The following TCF12 variants were observed in gnomAD, a reference collection of about 807,000 sequenced individuals.
The protein encoded by TCF12 is transcription factor 12, also known as DNA-binding protein HTF4.
In TCF12, 45 loss-of-function variants were observed where a neutral mutation model predicts 86.0. The observed-to-expected ratio is 0.52, with a 90% CI of 0.41 to 0.67. The LOEUF is 0.67. Ranked by LOEUF, TCF12 falls within the 30% of genes least tolerant of loss-of-function variation. The pLI, the probability that TCF12 is intolerant of heterozygous loss-of-function variation, is 0.00. For missense variants in TCF12, 881 were observed against 859.9 expected, an observed-to-expected ratio of 1.02 and a Z score of -0.31; for synonymous variants, 330 against 299.6, an observed-to-expected ratio of 1.10 and a Z score of -1.05.
intron 6 of TCF12, among the ~76,000 whole-genome samples, chr15:57,187,811 T>A (rs2056761084): frequency 6.6e-6 from 1 of 152,026 alleles, no homozygotes; most frequent in African/African-American, 2.4e-5. Context: ...ACGCCTTTAA[T>A]CCCAGGTACT....
chr15:57,173,548 A>G (rs1395156462), intron 6 of TCF12, among the ~76,000 whole-genome samples: 3 of 152,144 alleles, frequency 2.0e-5, no homozygotes, highest in Non-Finnish European at 2.9e-5. Context: ...AGAATCTGGA[A>G]TGAAAGAGAG....
intron 6 of TCF12, among the ~76,000 whole-genome samples, chr15:57,172,383 A>G (rs1402076943): frequency 6.6e-6 from 1 of 152,214 alleles, no homozygotes; most frequent in African/African-American, 2.4e-5. Context: ...ACTATCGACA[A>G]CCTTGACCTA....
chr15:57,072,276 C>T (rs1241778442), intron 4 of TCF12, among the ~76,000 whole-genome samples: 9 of 152,160 alleles, frequency 5.9e-5, no homozygotes, highest in Admixed American at 5.9e-4. Flanking sequence ...TCACTTCACC[C>T]ACAAAATGGT....
intron 5 of TCF12, among the ~76,000 whole-genome samples, chr15:57,161,187 T>C (rs921357867): frequency 2.0e-5 from 3 of 152,250 alleles, no homozygotes; most frequent in Non-Finnish European, 4.4e-5. Flanking sequence ...TTGTATCTTA[T>C]GTCAAAAGAA....
intron 3 of TCF12, among the ~76,000 whole-genome samples, chr15:56,937,602 G>A (rs566238199): frequency 6.6e-6 from 1 of 151,592 alleles, no homozygotes; most frequent in East Asian, 1.9e-4. Flanking sequence ...AGTGGTGAGA[G>A]TGGGCATCCT....
chr15:57,152,697 G>C (rs2053850187), intron 5 of TCF12, among the ~76,000 whole-genome samples: 1 of 152,138 alleles, frequency 6.6e-6, no homozygotes, highest in African/African-American at 2.4e-5. Context: ...CTGCAGGACA[G>C]TATCAGTCTA....
At chr15:56,920,720 T>C (rs1417636098) in intron 2 of TCF12, among the ~76,000 whole-genome samples, 1 of 152,128 alleles carries the variant, frequency 6.6e-6, no homozygotes, top group African/African-American at 2.4e-5. Flanking sequence ...ATAATGTAAA[T>C]GTAATGAAAT....
At chr15:57,210,237 G>A (rs1220774044) in intron 8 of TCF12, among the ~76,000 whole-genome samples, 1 of 151,504 alleles carries the variant, frequency 6.6e-6, no homozygotes, top group Non-Finnish European at 1.5e-5. Context: ...ATGAACAAAG[G>A]CAAATGATTA....
intron 3 of TCF12, among the ~76,000 whole-genome samples, chr15:57,014,242 T>A (rs1186435424): frequency 6.6e-6 from 1 of 152,174 alleles, no homozygotes; most frequent in Non-Finnish European, 1.5e-5. Flanking sequence ...TGAAACTAAT[T>A]TGTGTTATGT....
intron 6 of TCF12, among the ~76,000 whole-genome samples, chr15:57,166,913 C>G (rs2054938127): frequency 6.6e-6 from 1 of 152,190 alleles, no homozygotes; most frequent in South Asian, 2.1e-4. Flanking sequence ...GACTTGGAAT[C>G]TTTGTTTCGA....
intron 3 of TCF12, among the ~76,000 whole-genome samples, chr15:56,952,391 T>C (rs1222055073): frequency 2.6e-5 from 4 of 151,834 alleles, no homozygotes; most frequent in Non-Finnish European, 5.9e-5. Context: ...TGCATTTTCA[T>C]ATAAATGTCA....
rs771571672 is a variant in TCF12 at position 57,253,316 on chromosome 15, C to G, written c.1315C>G (p.Arg439Gly). 6.2e-7 allele frequency: 1 copy of G among 1,613,948 alleles called. No individual in the cohort carries two copies. The highest frequency in any genetic ancestry group is 1.3e-5 in the African/African-American group (1 of 74,992). The stretch of plus-strand genomic sequence containing the variant: ...ACTGGATGATGCAATCCATGTGCTG[C>G]GGAACCATGCTGTGGGACCTTCCAC... Reference protein sequence around the residue: ...DRLDDAIHVLRNHAVGPSTSL... With the variant: ...DRLDDAIHVLGNHAVGPSTSL... Residue 439 changes from arginine (R) to glycine (G), a missense_variant, in exon 16 of 21, where the codon CGG becomes GGG. Arg to Gly is a moderately radical substitution (Grantham distance 125). Transcript: ENST00000333725.
At chr15:57,199,493 A>G (rs749509483) in intron 8 of TCF12, among the ~76,000 whole-genome samples, 20 of 152,234 alleles carry the variant, frequency 1.3e-4, no homozygotes, top group Non-Finnish European at 2.8e-4. Flanking sequence ...TTAACCTGAC[A>G]TTAAGAAACA....
At position 57,268,694 on chromosome 15, in the gene TCF12, C is replaced by T. The variant is rs116901141; in HGVS notation, c.1746-4336C>T. ...AATCATAAATAGAACTTTCTATAAG[C>T]TGTTACAGAGCATCTCCCTCATATG... On this transcript the variant is annotated intron_variant, in intron 18 of 20. Coordinates refer to ENST00000333725, the MANE Select transcript of TCF12 (RefSeq NM_207037.2). Among the ~76,000 whole-genome samples the T allele has an allele frequency of 1.2e-4, 19 of 152,192 alleles. No individual in the cohort carries two copies. The East Asian group carries it at 3.5e-3, about 28-fold the overall frequency.
chr15:57,205,808 A>T (rs1163358539), intron 8 of TCF12, among the ~76,000 whole-genome samples: 3 of 152,164 alleles, frequency 2.0e-5, no homozygotes, highest in Non-Finnish European at 2.9e-5. Context: ...TAGTTCTAAG[A>T]TGTTGATTTT....
intron 12 of TCF12, among the ~76,000 whole-genome samples, chr15:57,239,515 C>CAAAAAAAAAA (rs67591734): frequency 3.8e-4 from 41 of 107,064 alleles, no homozygotes; most frequent in Non-Finnish European, 5.6e-4. Flanking sequence ...GACTCCATCT[C>CAAAAAAAAAA]AAAAAAAAAA....
In TCF12 at chr15:57,166,543, G is replaced by T. The variant is rs1596989665; in HGVS notation, c.390+77G>T. Reference sequence around the variant, plus strand: ...AAAGGCTCTATTAATAGATGAGATAGAAATTATCCAATTTATTTCACTACT... The same window carrying T: ...AAAGGCTCTATTAATAGATGAGATATAAATTATCCAATTTATTTCACTACT... On this transcript the variant is annotated intron_variant, in intron 6 of 20. Transcript: ENST00000333725. 1.5e-5 allele frequency: 19 copies of T among 1,251,504 alleles called. No individual in the cohort carries two copies. The East Asian group carries it at 4.6e-4, about 30-fold the overall frequency. 77.5% of individuals were successfully genotyped at this position (1,251,504 alleles called of 1,614,324 possible).
At chr15:57,002,234 G>C (rs932663751) in intron 3 of TCF12, among the ~76,000 whole-genome samples, 9 of 151,986 alleles carry the variant, frequency 5.9e-5, no homozygotes, top group African/African-American at 2.2e-4. Flanking sequence ...AGTTGTTGGG[G>C]GTATAGTTAC....
intron 5 of TCF12, among the ~76,000 whole-genome samples, chr15:57,163,449 C>G (rs2054636415): frequency 1.3e-5 from 2 of 152,148 alleles, no homozygotes; most frequent in Admixed American, 1.3e-4. Context: ...CCTGTAACGT[C>G]AACACTTTGG....
Sources: gnomAD v4.1 joint callset for allele counts (sites outside exome capture counted in the v4.1 genomes callset) on GRCh38, gnomAD v4.1.1 for gene constraint, MANE v1.5 for transcripts, NCBI Gene and HGNC (gene_info 2026-07-23, HGNC 2026-07-21) for gene names.